CTNNA1: variants seen among roughly 807,000 people sequenced by gnomAD.
CTNNA1 encodes the protein catenin alpha-1.
In CTNNA1, 37 loss-of-function variants were observed where a neutral mutation model predicts 98.4. That is an observed-to-expected ratio of 0.38 (90% confidence interval 0.29 to 0.49). The LOEUF is 0.49. CTNNA1 is among the 20% of genes least tolerant of loss of function. The pLI is 0.95. For missense variants in CTNNA1, 761 were observed against 1,147.2 expected, an observed-to-expected ratio of 0.66 and a Z score of 4.86; for synonymous variants, 404 against 413.2, an observed-to-expected ratio of 0.98 and a Z score of 0.27.
At chr5:138,904,220 G>A (rs1228425555) in intron 9 of CTNNA1, 129 bp from the exon 10 acceptor site, 6 of 1,134,552 alleles carry the variant, frequency 5.3e-6, no homozygotes, top group Non-Finnish European at 6.1e-6. Context: ...TAATCAGGCT[G>A]TGAGAAGGGA....
intron 1 of CTNNA1, among the ~76,000 whole-genome samples, chr5:138,767,486 G>A (rs114884905): frequency 2.6e-5 from 4 of 152,270 alleles, no homozygotes; most frequent in Non-Finnish European, 4.4e-5. Context: ...CAAACAGTAC[G>A]TCAGATACTC....
chr5:138,911,832 T>C (rs1760695867), intron 10 of CTNNA1, among the ~76,000 whole-genome samples: 1 of 152,168 alleles, frequency 6.6e-6, no homozygotes, highest in Non-Finnish European at 1.5e-5. Context: ...TGGTGAGCAC[T>C]GGTTAGAGTC....
rs1388605167 is a variant in CTNNA1 at position 138,874,018 on chromosome 5, A to G, written c.1063-12194A>G. ...TGCTCAAATCCAGAAACTCCAGACT[A>G]CGACAGTCCCAGAACAGGCGTACTG... On this transcript the variant is annotated intron_variant, in intron 7 of 17. Transcript: ENST00000302763. The surrounding 1 kb of genome is among the most constrained non-coding windows in gnomAD (Gnocchi z 4.1). The G allele has an allele frequency of 1.9e-6, 3 of 1,613,904 alleles. No individual in the cohort carries two copies. Among genetic ancestry groups the G allele is most frequent in the African/African-American group, 1.3e-5 (1 of 74,932 alleles).
intron 9 of CTNNA1, among the ~76,000 whole-genome samples, chr5:138,892,765 C>G (rs547692719): frequency 1.3e-5 from 2 of 151,894 alleles, no homozygotes; most frequent in East Asian, 2.0e-4. Context: ...GCCTGTAATC[C>G]CAGCACTTTG....
chr5:138,784,192 C>T (rs879744741), intron 3 of CTNNA1, among the ~76,000 whole-genome samples: 2 of 152,232 alleles, frequency 1.3e-5, no homozygotes, highest in Non-Finnish European at 2.9e-5. Context: ...GCATGAGCCA[C>T]AGTGCCCGGC....
intron 7 of CTNNA1, among the ~76,000 whole-genome samples, chr5:138,829,374 G>A (rs1168084238): frequency 1.3e-5 from 2 of 152,176 alleles, no homozygotes; most frequent in Non-Finnish European, 2.9e-5. Flanking sequence ...TGCTATCATG[G>A]GTAGTGCTGG....
chr5:138,879,350 AAG>A (rs775662315), intron 7 of CTNNA1, among the ~76,000 whole-genome samples: 26 of 152,174 alleles, frequency 1.7e-4, no homozygotes, highest in Middle Eastern at 6.8e-3. Flanking sequence ...CTTTTTTTGA[AAG>A]AGAAGGGAAT....
chr5:138,814,782 C>A (rs1377073303), intron 5 of CTNNA1, among the ~76,000 whole-genome samples: 3 of 151,356 alleles, frequency 2.0e-5, no homozygotes, highest in African/African-American at 4.9e-5. Context: ...GTGGTGGACT[C>A]ACATTCTGTC....
chr5:138,781,850 TAGG>T (rs1459530917), intron 1 of CTNNA1, 70 bp from the exon 2 acceptor site: 8 of 1,393,786 alleles, frequency 5.7e-6, no homozygotes, highest in African/African-American at 1.5e-5. Flanking sequence ...AGTCCCAAAG[TAGG>T]AGAAGATTTG....
chr5:138,875,082 A>G (rs1751197205), intron 7 of CTNNA1: 1 of 596,088 alleles, frequency 1.7e-6, no homozygotes, highest in Admixed American at 3.3e-5. Context: ...TCCTTAGGAT[A>G]TCCCTCTGGA....
intron 7 of CTNNA1, among the ~76,000 whole-genome samples, chr5:138,866,785 T>G (rs1303875625): frequency 6.6e-6 from 1 of 152,220 alleles, no homozygotes; most frequent in African/African-American, 2.4e-5. Context: ...TTTAAGAGTA[T>G]TCCCAAAACA....
chr5:138,761,308 C>T (rs951433082), intron 1 of CTNNA1, among the ~76,000 whole-genome samples: 24 of 152,110 alleles, frequency 1.6e-4, no homozygotes, highest in African/African-American at 5.8e-4. Flanking sequence ...GATCTCGGCT[C>T]ACTGCAACCT....
intron 7 of CTNNA1, chr5:138,881,032 C>T (rs910457160): frequency 2.2e-5 from 10 of 455,966 alleles, no homozygotes; most frequent in East Asian, 1.4e-4. Flanking sequence ...TTACTCTGTA[C>T]GGTTTATAGC....
intron 7 of CTNNA1, among the ~76,000 whole-genome samples, chr5:138,855,065 G>T (rs1581282604): frequency 6.6e-6 from 1 of 152,314 alleles, no homozygotes; most frequent in Non-Finnish European, 1.5e-5. Flanking sequence ...TTGAGACGGA[G>T]TCTCACTCTG....
At chr5:138,867,564 T>C (rs1764903607) in intron 7 of CTNNA1, among the ~76,000 whole-genome samples, 1 of 152,104 alleles carries the variant, frequency 6.6e-6, no homozygotes, top group Non-Finnish European at 1.5e-5. Context: ...TCCTCCCACC[T>C]GTGATACTTA....
At chr5:138,786,809 A>AC (rs1755762779) in intron 3 of CTNNA1, among the ~76,000 whole-genome samples, 1 of 152,120 alleles carries the variant, frequency 6.6e-6, no homozygotes, top group African/African-American at 2.4e-5. Flanking sequence ...GTCCTGACCA[A>AC]CCCCAAATCC....
chr5:138,901,454 C>A (rs750929885), intron 9 of CTNNA1, among the ~76,000 whole-genome samples: 4 of 152,184 alleles, frequency 2.6e-5, no homozygotes, highest in Non-Finnish European at 4.4e-5. Context: ...GCCACCACAC[C>A]CAGCCTCTTT....
intron 17 of CTNNA1, chr5:138,932,978 T>G (rs1472363085): frequency 2.6e-6 from 2 of 766,584 alleles, no homozygotes; most frequent in South Asian, 2.7e-5. Context: ...TTTAAAAATC[T>G]TCCTTGGGAC....
intron 1 of CTNNA1, among the ~76,000 whole-genome samples, chr5:138,779,404 A>T (rs1754782567): frequency 6.6e-6 from 1 of 152,160 alleles, no homozygotes; most frequent in Admixed American, 6.5e-5. Flanking sequence ...AGTTGTCCTA[A>T]ATTTGGCTGA....
Sources: gnomAD v4.1 joint callset for allele counts (sites outside exome capture counted in the v4.1 genomes callset) on GRCh38, gnomAD v4.1.1 for gene constraint, Gnocchi (gnomAD v3.1) non-coding constraint, MANE v1.5 for transcripts, NCBI Gene and HGNC (gene_info 2026-07-23, HGNC 2026-07-21) for gene names.